PDZD2: variants seen among roughly 807,000 people sequenced by gnomAD.
PDZD2 encodes PDZ domain-containing protein 2.
A neutral mutation model predicts 220.7 loss-of-function variants in PDZD2; 90 were observed. That is an observed-to-expected ratio of 0.41 (90% CI 0.34 to 0.49). The LOEUF (loss-of-function observed/expected upper bound fraction) is 0.49, where lower values mean the gene tolerates loss of function less well. Among genes scored for constraint, PDZD2 ranks in the 20% least tolerant of loss-of-function variants. PDZD2 has a pLI of 0.28. For missense variants in PDZD2, 3,174 were observed against 3,608.5 expected, an observed-to-expected ratio of 0.88 and a Z score of 3.08; for synonymous variants, 1,375 against 1,450.5, an observed-to-expected ratio of 0.95 and a Z score of 1.18.
At chr5:32,037,452 A>C in intron 7 of PDZD2, 110 bp downstream of exon 7, 1 of 662,862 alleles carries the variant, frequency 1.5e-6, no homozygotes, top group Non-Finnish European at 2.7e-6. Flanking sequence ...TAAAACCTCA[A>C]AATCATTTTT....
chr5:31,695,924 A>C (rs1218937327), intron 1 of PDZD2, among the ~76,000 whole-genome samples: 2 of 151,948 alleles, frequency 1.3e-5, no homozygotes, highest in African/African-American at 4.8e-5. Context: ...TCAAAATTCT[A>C]CCTTAGGCAT....
At chr5:31,774,278 G>A (rs1305292521) in intron 1 of PDZD2, among the ~76,000 whole-genome samples, 2 of 152,130 alleles carry the variant, frequency 1.3e-5, no homozygotes, top group Non-Finnish European at 2.9e-5. Context: ...GGAGGCCAGG[G>A]CAGGAGTAGA....
chr5:31,927,264 T>C (rs1430801057), intron 2 of PDZD2, among the ~76,000 whole-genome samples: 1 of 152,178 alleles, frequency 6.6e-6, no homozygotes, highest in African/African-American at 2.4e-5. Flanking sequence ...CATAGTACCA[T>C]GTTGCATCAT....
At chr5:31,758,098 C>T (rs962532867) in intron 1 of PDZD2, among the ~76,000 whole-genome samples, 2 of 152,242 alleles carry the variant, frequency 1.3e-5, no homozygotes, top group Non-Finnish European at 2.9e-5. Flanking sequence ...GCTGGCAGCT[C>T]CGTCCAAGAG....
At chr5:31,737,304 C>T (rs1749944372) in intron 1 of PDZD2, among the ~76,000 whole-genome samples, 1 of 150,830 alleles carries the variant, frequency 6.6e-6, no homozygotes, top group Non-Finnish European at 1.5e-5. Context: ...TCCTGAGTAG[C>T]TGGGACTACA....
At chr5:31,981,615 C>T (rs973596281) in intron 2 of PDZD2, among the ~76,000 whole-genome samples, 4 of 152,210 alleles carry the variant, frequency 2.6e-5, no homozygotes, top group African/African-American at 9.6e-5. Context: ...GGCAGCATTG[C>T]ATGTAGCCCC....
rs1740928967 is a variant in PDZD2 at position 32,073,257 on chromosome 5, A to G, written c.2726-575A>G. On this transcript the variant is annotated intron_variant, in intron 17 of 24. Coordinates refer to ENST00000438447, the MANE Select transcript of PDZD2 (RefSeq NM_178140.4). The stretch of plus-strand genomic sequence containing the variant: ...AAACATTTCAAGGTGCAAACGTGTA[A>G]TTTTTCACTGCATTTAACAAGATAT... 2.0e-5 allele frequency among the ~76,000 whole-genome samples: 3 copies of G among 152,106 alleles called. No homozygotes were observed. The South Asian group carries it at 6.2e-4, about 32-fold the overall frequency.
At chr5:31,889,251 A>G (rs886941686) in intron 2 of PDZD2, among the ~76,000 whole-genome samples, 2 of 152,218 alleles carry the variant, frequency 1.3e-5, no homozygotes, top group Non-Finnish European at 2.9e-5. Flanking sequence ...TCTTTTGGCA[A>G]TTGATTAATT....
chr5:31,859,063 G>A (rs1041676470), intron 2 of PDZD2, among the ~76,000 whole-genome samples: 7 of 152,028 alleles, frequency 4.6e-5, no homozygotes, highest in African/African-American at 1.7e-4. Context: ...GACCTGCCAA[G>A]TGGTCCTGTG....
chr5:31,904,460 T>C (rs1179997622), intron 2 of PDZD2, among the ~76,000 whole-genome samples: 1 of 152,226 alleles, frequency 6.6e-6, no homozygotes, highest in Non-Finnish European at 1.5e-5. Flanking sequence ...ATATTGCTAT[T>C]ATCATAACTT....
At chr5:31,689,962 C>T (rs762962975) in intron 1 of PDZD2, among the ~76,000 whole-genome samples, 11 of 152,086 alleles carry the variant, frequency 7.2e-5, no homozygotes, top group African/African-American at 1.9e-4. Flanking sequence ...AGCTATCTGG[C>T]GCTGGCAAAC....
At chr5:31,905,561 A>G (rs1742569164) in intron 2 of PDZD2, among the ~76,000 whole-genome samples, 1 of 152,218 alleles carries the variant, frequency 6.6e-6, no homozygotes, top group Non-Finnish European at 1.5e-5. Context: ...TTTCCAACCC[A>G]GCAGACCCCT....
chr5:31,962,608 A>G (rs1455740153), intron 2 of PDZD2, among the ~76,000 whole-genome samples: 1 of 152,188 alleles, frequency 6.6e-6, no homozygotes, highest in Non-Finnish European at 1.5e-5. Flanking sequence ...TGAATTGTGT[A>G]TCTCAAGTCC....
At chr5:31,777,360 G>T (rs1312689523) in intron 1 of PDZD2, among the ~76,000 whole-genome samples, 2 of 152,212 alleles carry the variant, frequency 1.3e-5, no homozygotes, top group East Asian at 3.9e-4. Context: ...CTCCGAACCT[G>T]CAGCCCGCCA....
intron 2 of PDZD2, among the ~76,000 whole-genome samples, chr5:31,833,644 A>AAG (rs1417081372): frequency 7.4e-6 from 1 of 134,720 alleles, no homozygotes; most frequent in African/African-American, 2.8e-5. Context: ...TCAAAAAAAA[A>AAG]AAAAAAGAAA....
chr5:31,894,365 C>T (rs1741342730), intron 2 of PDZD2, among the ~76,000 whole-genome samples: 1 of 152,014 alleles, frequency 6.6e-6, no homozygotes, highest in African/African-American at 2.4e-5. Flanking sequence ...GGACTGGAAG[C>T]CTGGCACGGT....
chr5:31,921,395 C>T (rs1414239215), intron 2 of PDZD2, among the ~76,000 whole-genome samples: 1 of 151,974 alleles, frequency 6.6e-6, no homozygotes, highest in Non-Finnish European at 1.5e-5. Context: ...AAACTTGAAG[C>T]TCTTAAGGCC....
In PDZD2 at chr5:31,832,765, G is replaced by A. The variant is rs111545315; in HGVS notation, c.476+33041G>A. On this transcript the variant is annotated intron_variant, in intron 2 of 24. Transcript: ENST00000438447. ...CAGGAGGCGGAGGTTGCAGTGAGCC[G>A]AGATCGCGCCACTGCACTCCAGCCT... 3.8e-4 allele frequency among the ~76,000 whole-genome samples: 58 copies of A among 152,238 alleles called. 1 individual carries two copies. Among genetic ancestry groups the A allele is most frequent in the Middle Eastern group, 3.4e-3 (1 of 294 alleles).
chr5:32,062,424 C>T (rs1329636313), intron 14 of PDZD2, among the ~76,000 whole-genome samples: 1 of 147,472 alleles, frequency 6.8e-6, no homozygotes, highest in Non-Finnish European at 1.5e-5. Context: ...GACAGGGTCT[C>T]CCTCTGTCAC....
Sources: gnomAD v4.1 joint callset for allele counts (sites outside exome capture counted in the v4.1 genomes callset) on GRCh38, gnomAD v4.1.1 for gene constraint, MANE v1.5 for transcripts, NCBI Gene and HGNC (gene_info 2026-07-23, HGNC 2026-07-21) for gene names.